Variants in DOCK1 observed in about 807,000 individuals in gnomAD.
The protein encoded by DOCK1 is dedicator of cytokinesis protein 1.
A neutral mutation model predicts 262.7 loss-of-function variants in DOCK1; 138 were observed. That is an observed-to-expected ratio of 0.53 (90% CI 0.46 to 0.61). The LOEUF is 0.61. Ranked by LOEUF, DOCK1 falls within the 20% of genes least tolerant of loss-of-function variation. The probability of loss-of-function intolerance (pLI) is 0.00; values close to 1 mark genes in which losing one functional copy is unlikely to be tolerated. For synonymous variants in DOCK1, 866 were observed against 867.4 expected, an observed-to-expected ratio of 1.00 and a Z score of 0.03; for missense variants, 1,908 against 2,370.7, an observed-to-expected ratio of 0.80 and a Z score of 4.05.
intron 23 of DOCK1, among the ~76,000 whole-genome samples, chr10:127,076,794 A>G (rs1234411705): frequency 1.3e-5 from 2 of 152,158 alleles, no homozygotes; most frequent in East Asian, 1.9e-4. Flanking sequence ...GGGCTCCGTC[A>G]TCTACCCCAG....
At chr10:127,392,710 C>A (rs1288008880) in intron 38 of DOCK1, among the ~76,000 whole-genome samples, 1 of 152,160 alleles carries the variant, frequency 6.6e-6, no homozygotes, top group Non-Finnish European at 1.5e-5. Context: ...CAGACTGAGC[C>A]CCTGGGAGAG....
intron 29 of DOCK1, among the ~76,000 whole-genome samples, chr10:127,309,122 C>T (rs1051324479): frequency 1.3e-5 from 2 of 152,124 alleles, no homozygotes; most frequent in East Asian, 3.9e-4. Flanking sequence ...TTTTAATAAT[C>T]GCCCTTCTGA....
Position 126,998,134 on chromosome 10 carries a change from G to T in DOCK1, c.652G>T (p.Ala218Ser). 7 of 1,614,014 alleles carry T rather than the reference G, an allele frequency of 4.3e-6. No individual in the cohort carries two copies. Among genetic ancestry groups the T allele is most frequent in the Non-Finnish European group, 5.9e-6 (7 of 1,179,900 alleles). ...NIDINRQAKF[A>S]ATPSLALFVN... ...AGATATTAACAGACAAGCCAAGTTT[G>T]CTGCAACCCCTTCTCTGGCCTTGTT... The change falls in exon 8 of 52, where the codon GCT becomes TCT. Residue 218 changes from alanine (A) to serine (S), a missense_variant. By Grantham distance (99) the Ala-to-Ser change is moderately conservative. Coordinates refer to ENST00000623213, the MANE Select transcript of DOCK1 (RefSeq NM_001290223.2).
At chr10:126,951,245 G>A (rs984002724) in intron 1 of DOCK1, among the ~76,000 whole-genome samples, 3 of 150,420 alleles carry the variant, frequency 2.0e-5, no homozygotes, top group Non-Finnish European at 3.0e-5. Flanking sequence ...AGTATTGTTG[G>A]TAATATTAGT....
intron 1 of DOCK1, among the ~76,000 whole-genome samples, chr10:126,940,418 A>AT (rs2034896209): frequency 6.6e-6 from 1 of 152,064 alleles, no homozygotes; most frequent in African/African-American, 2.4e-5. Flanking sequence ...TGTTTTATTT[A>AT]TTTTGTGGAG....
intron 40 of DOCK1, among the ~76,000 whole-genome samples, chr10:127,406,423 G>A (rs1049863741): frequency 2.6e-5 from 4 of 152,118 alleles, no homozygotes; most frequent in Non-Finnish European, 5.9e-5. Flanking sequence ...TAACAGGCTC[G>A]ATTAATATTG....
In DOCK1 at chr10:127,408,974, TG is replaced by T. The variant is rs2067683957; in HGVS notation, c.4123-62del. Reference sequence around the variant, plus strand: ...AAGGCATATTTTAAGGCCAGCATATTGCATGTGAACTCTTCCTGGCCCTTTC... The same window carrying T: ...AAGGCATATTTTAAGGCCAGCATATTCATGTGAACTCTTCCTGGCCCTTTC... On this transcript the variant is annotated intron_variant, in intron 40 of 51. Coordinates refer to ENST00000623213, the MANE Select transcript of DOCK1 (RefSeq NM_001290223.2). 2.7e-6 allele frequency: 4 copies of T among 1,506,980 alleles called. No homozygotes were observed. The East Asian group carries it at 9.8e-5, about 37-fold the overall frequency. 93.4% of individuals were successfully genotyped at this position (1,506,980 alleles called of 1,614,324 possible).
intron 28 of DOCK1, among the ~76,000 whole-genome samples, chr10:127,248,705 C>T (rs898143815): frequency 6.6e-6 from 1 of 152,178 alleles, no homozygotes; most frequent in African/African-American, 2.4e-5. Context: ...AAAGCTGCAA[C>T]CAAACTTGTT....
chr10:127,120,532 T>G (rs1013791715), intron 25 of DOCK1, among the ~76,000 whole-genome samples: 2 of 152,210 alleles, frequency 1.3e-5, no homozygotes, highest in East Asian at 1.9e-4. Flanking sequence ...TTTTATGATA[T>G]GAAGTCTCTG....
intron 1 of DOCK1, among the ~76,000 whole-genome samples, chr10:126,961,545 G>A (rs2037220359): frequency 6.6e-6 from 1 of 152,158 alleles, no homozygotes; most frequent in African/African-American, 2.4e-5. Flanking sequence ...TTGTCTCTGA[G>A]TTTGACAACT....
chr10:127,014,883 TAGCTC>T (rs1253955623), intron 12 of DOCK1: 1 of 152,336 alleles, frequency 6.6e-6, no homozygotes, highest in African/African-American at 2.4e-5. Context: ...GAGCTGCTGT[TAGCTC>T]AGGGTGCTTT....
At chr10:127,374,589 C>T (rs1253708292) in intron 35 of DOCK1, among the ~76,000 whole-genome samples, 1 of 152,146 alleles carries the variant, frequency 6.6e-6, no homozygotes, top group Non-Finnish European at 1.5e-5. Flanking sequence ...AGCAATACCC[C>T]AGTCCTTAGA....
At chr10:127,336,049 C>G (rs1435915723) in intron 29 of DOCK1, among the ~76,000 whole-genome samples, 1 of 151,652 alleles carries the variant, frequency 6.6e-6, no homozygotes, top group East Asian at 1.9e-4. Context: ...GACGGGGTTT[C>G]ACCATGTTGG....
chr10:127,195,477 C>T (rs1021307733), intron 27 of DOCK1, among the ~76,000 whole-genome samples: 1 of 152,166 alleles, frequency 6.6e-6, no homozygotes, highest in African/African-American at 2.4e-5. Flanking sequence ...CTGCTGCTCG[C>T]GCCTCTCCTC....
intron 1 of DOCK1, among the ~76,000 whole-genome samples, chr10:126,943,360 A>G (rs2035162048): frequency 6.6e-6 from 1 of 152,212 alleles, no homozygotes; most frequent in South Asian, 2.1e-4. Context: ...AGGTGCTGGA[A>G]CCAAACTGCT....
intron 23 of DOCK1, among the ~76,000 whole-genome samples, chr10:127,105,628 T>C (rs1375255584): frequency 6.6e-6 from 1 of 152,166 alleles, no homozygotes; most frequent in East Asian, 1.9e-4. Context: ...GAAAATCACA[T>C]GCATGCTTAG....
intron 12 of DOCK1, chr10:127,016,717 C>CGT (rs2041916899): frequency 2.3e-5 from 3 of 129,500 alleles, no homozygotes; most frequent in Admixed American, 8.0e-5. Context: ...GACATACGCA[C>CGT]ATACACACAC....
chr10:127,050,604 C>A (rs1192985798), intron 21 of DOCK1, among the ~76,000 whole-genome samples: 1 of 151,272 alleles, frequency 6.6e-6, no homozygotes, highest in Non-Finnish European at 1.5e-5. Context: ...GTGTGGGAGG[C>A]TGAGGCAGGA....
At chr10:127,351,017 G>A (rs931225614) in intron 31 of DOCK1, among the ~76,000 whole-genome samples, 1 of 152,132 alleles carries the variant, frequency 6.6e-6, no homozygotes, top group Admixed American at 6.5e-5. Context: ...TAAATTGCCC[G>A]GTGTGCTTAG....
Sources: allele counts gnomAD v4.1 joint callset (sites outside exome capture counted in the v4.1 genomes callset), GRCh38; gene constraint gnomAD v4.1.1; transcripts MANE v1.5; gene names NCBI Gene and HGNC (gene_info 2026-07-23, HGNC 2026-07-21).